Variants in IQSEC1 observed in about 807,000 individuals in gnomAD.
IQSEC1 encodes the protein IQ motif and SEC7 domain-containing protein 1.
A neutral mutation model predicts 91.0 loss-of-function variants in IQSEC1; 31 were observed. That is an observed-to-expected ratio of 0.34 (90% CI 0.26 to 0.46). IQSEC1 has a LOEUF of 0.46. Among genes scored for constraint, IQSEC1 ranks in the 20% least tolerant of loss-of-function variants. The pLI is 1.00. For missense variants in IQSEC1, 1,388 were observed against 1,575.6 expected (o/e 0.88, Z 2.02); for synonymous variants, 699 against 662.6 (o/e 1.05, Z -0.84).
intron 7 of IQSEC1, 60 bp from the exon 8 acceptor site, chr3:12,915,193 A>C (rs1383227059): frequency 2.6e-6 from 4 of 1,554,194 alleles, no homozygotes; most frequent in Non-Finnish European, 2.6e-6. Context: ...CGCCCAGGCC[A>C]ATGCTGCAAG....
At position 13,214,917 on chromosome 3, in the gene IQSEC1, T is replaced by C. The variant is rs151000541; in HGVS notation, c.273-50784A>G. Reference sequence around the variant, plus strand: ...CTAGCCGAATGAACAGGCACCCGAGTGAACGGATGAGTGGAATTTACTGCA... The same window carrying C: ...CTAGCCGAATGAACAGGCACCCGAGCGAACGGATGAGTGGAATTTACTGCA... On this transcript the variant is annotated intron_variant, in intron 1 of 15. Coordinates refer to the IQSEC1 transcript ENST00000648114. The surrounding 1 kb of genome is among the most constrained non-coding windows in gnomAD (Gnocchi z 4.5). Among the ~76,000 whole-genome samples, 1 of 152,178 alleles carries C rather than the reference T, an allele frequency of 6.6e-6. No homozygotes were observed. The highest frequency in any genetic ancestry group is 1.5e-5 in the Non-Finnish European group (1 of 68,002).
intron 2 of IQSEC1, among the ~76,000 whole-genome samples, chr3:13,136,921 G>A (rs994646769): frequency 6.6e-6 from 1 of 152,204 alleles, no homozygotes; most frequent in African/African-American, 2.4e-5. Context: ...AGGAACACTT[G>A]GTGCCAGGAG....
chr3:13,056,391 C>A (rs1704881517), intron 1 of IQSEC1, among the ~76,000 whole-genome samples: 1 of 152,020 alleles, frequency 6.6e-6, no homozygotes, highest in Non-Finnish European at 1.5e-5. Flanking sequence ...GTCCACCTGG[C>A]CTTTCTGGGG....
rs528119344 is a variant in IQSEC1, at chr3:13,117,357, C to T, written c.302+46747G>A. Among the ~76,000 whole-genome samples the T allele has an allele frequency of 1.5e-4, 22 of 149,840 alleles. No homozygotes were observed. The South Asian group carries it at 2.5e-3, about 17-fold the overall frequency. On this transcript the variant is annotated intron_variant, in intron 2 of 15. Coordinates refer to the IQSEC1 transcript ENST00000648114. ...ATCCCAGCACTTTGGGAGGCGGAGG[C>T]GGGCGGATCACGAGGTCAGGAGATC...
At chr3:13,251,822 C>CACAT (rs1161136118) in intron 1 of IQSEC1, among the ~76,000 whole-genome samples, 1 of 152,224 alleles carries the variant, frequency 6.6e-6, no homozygotes, top group Non-Finnish European at 1.5e-5. Flanking sequence ...GAGTGACAAG[C>CACAT]ACATACCCAT....
intron 1 of IQSEC1, among the ~76,000 whole-genome samples, chr3:12,943,721 T>C (rs1353886342): frequency 6.6e-6 from 1 of 152,210 alleles, no homozygotes; most frequent in Non-Finnish European, 1.5e-5. Context: ...AGGACCCCAG[T>C]GCCCAGTGCA....
chr3:13,094,365 A>G (rs1246538412), intron 2 of IQSEC1, among the ~76,000 whole-genome samples: 1 of 152,188 alleles, frequency 6.6e-6, no homozygotes, highest in Non-Finnish European at 1.5e-5. Flanking sequence ...GACCTTGAAA[A>G]GAAGGATTTC....
chr3:13,205,520 CCTCT>C (rs902687360), intron 1 of IQSEC1, among the ~76,000 whole-genome samples: 2 of 151,932 alleles, frequency 1.3e-5, no homozygotes, highest in African/African-American at 2.4e-5. Flanking sequence ...TCCCTCCCTC[CCTCT>C]ATCCATCCAC....
intron 1 of IQSEC1, among the ~76,000 whole-genome samples, chr3:13,219,169 C>T (rs116341562): frequency 6.6e-6 from 1 of 152,298 alleles, no homozygotes; most frequent in Non-Finnish European, 1.5e-5. Flanking sequence ...TGCAAAAACC[C>T]TCCAAAAGCT....
At chr3:13,043,821 G>A (rs1411132314) in intron 1 of IQSEC1, among the ~76,000 whole-genome samples, 1 of 152,182 alleles carries the variant, frequency 6.6e-6, no homozygotes, top group Admixed American at 6.5e-5. Context: ...TTGGGGCCCA[G>A]GTTTGCACAA....
intron 1 of IQSEC1, among the ~76,000 whole-genome samples, chr3:13,221,919 C>T (rs1252159823): frequency 1.3e-5 from 2 of 152,226 alleles, no homozygotes; most frequent in Non-Finnish European, 2.9e-5. Context: ...ACCAGGCCCG[C>T]CTGGAGATGG....
Position 12,908,425 on chromosome 3 carries a change from C to T in IQSEC1, c.2679G>A (p.Leu893=), listed in dbSNP as rs1211426680. The T allele has an allele frequency of 6.2e-7, 1 of 1,613,398 alleles. No homozygotes were observed. The highest frequency in any genetic ancestry group is 1.7e-5 in the Admixed American group (1 of 60,034). ...SGNGTLSRAC[L]DDSYASGEGL... Reference sequence around the variant, plus strand: ...CCTCACCGCTGGCATAGCTGTCGTCCAGGCAGGCCCGGCTCAGTGTTCCGT... The same window carrying T: ...CCTCACCGCTGGCATAGCTGTCGTCTAGGCAGGCCCGGCTCAGTGTTCCGT... Residue 893 remains leucine, a synonymous_variant, in exon 12 of 14, where the codon CTG becomes CTA. Transcript: ENST00000613206. This position sits in a 1 kb window ranked among gnomAD's most constrained non-coding sequence, Gnocchi z 4.9.
At chr3:12,944,262 G>A (rs757795197) in intron 1 of IQSEC1, among the ~76,000 whole-genome samples, 4 of 152,198 alleles carry the variant, frequency 2.6e-5, no homozygotes, top group Non-Finnish European at 4.4e-5. Context: ...CCTTGGTAGG[G>A]GGCGAGGGGG....
rs63063761 is a variant in IQSEC1, at chr3:12,902,658, CAAAA to C, written c.2805+111_2805+114del. The C allele has an allele frequency of 3.7e-4, 99 of 268,668 alleles. 1 individual carries two copies. The highest frequency in any genetic ancestry group is 2.7e-3 in the South Asian group (96 of 35,428). The allele number at this position is 268,668 out of a possible 1,614,324, so 16.6% of individuals were successfully genotyped here. A position where few individuals can be genotyped will look rare whatever the true frequency, so the allele number is the denominator to read the frequency against. ...AAGGAAAAGCCAAAAAAAAAAACAA[CAAAA>C]AAAAAACCAAAAAAAAAAAAAAAAA... On this transcript the variant is annotated intron_variant, in intron 13 of 13. Transcript: ENST00000613206.
At chr3:13,180,889 C>G (rs948037761) in intron 1 of IQSEC1, among the ~76,000 whole-genome samples, 5 of 151,032 alleles carry the variant, frequency 3.3e-5, no homozygotes, top group African/African-American at 1.2e-4. Flanking sequence ...GACATGCCAC[C>G]TTTAAGACCT....
intron 2 of IQSEC1, among the ~76,000 whole-genome samples, chr3:13,120,333 C>T (rs1218142985): frequency 6.6e-6 from 1 of 152,182 alleles, no homozygotes; most frequent in Admixed American, 6.5e-5. Context: ...GGAGGGGGCA[C>T]ACTCGGTCCA....
intron 1 of IQSEC1, among the ~76,000 whole-genome samples, chr3:12,986,044 A>C (rs1274268438): frequency 3.3e-5 from 5 of 152,314 alleles, no homozygotes; most frequent in Admixed American, 2.0e-4. Context: ...GCCCTTCTTT[A>C]CCATCTCATT....
intron 1 of IQSEC1, among the ~76,000 whole-genome samples, chr3:13,264,604 C>T (rs956135320): frequency 1.3e-5 from 2 of 152,088 alleles, no homozygotes; most frequent in Non-Finnish European, 2.9e-5. Flanking sequence ...TTGGCATCTC[C>T]GGGCTCTAGC....
In IQSEC1 at chr3:12,935,736, G is replaced by A. The variant is rs775222518; in HGVS notation, c.1280C>T (p.Pro427Leu). 2.5e-6 allele frequency: 4 copies of A among 1,611,256 alleles called. No individual in the cohort carries two copies. The African/African-American group carries it at 4.0e-5, about 16-fold the overall frequency. Residue 427 changes from proline to leucine, a missense_variant, in exon 3 of 14, where the codon CCC (proline) becomes CTC (leucine). Around this residue, in one of 2 missense-constraint regions of IQSEC1, gnomAD observed 1,059 missense variants for 1,317.8 expected, o/e 0.80. Transcript: ENST00000613206. This position sits in a 1 kb window ranked among gnomAD's most constrained non-coding sequence, Gnocchi z 8.0. ...CAAGTGGCTGTCCAGGGGCCTGGGG[G>A]GCCGGGGCCGCAACTCAGGCTCCTC... Reference protein sequence around the residue: ...PREEPELRPRPPRPLDSHLAI... With the variant: ...PREEPELRPRLPRPLDSHLAI...
Sources: gnomAD v4.1 joint callset for allele counts (sites outside exome capture counted in the v4.1 genomes callset) on GRCh38, gnomAD v4.1.1 for gene constraint, gnomAD v4.1.1 regional missense constraint, Gnocchi (gnomAD v3.1) non-coding constraint, MANE v1.5 for transcripts, NCBI Gene and HGNC (gene_info 2026-07-23, HGNC 2026-07-21) for gene names.